Variants in RBFOX2 observed in about 807,000 individuals in gnomAD.
The protein encoded by RBFOX2 is RNA binding protein fox-1 homolog 2.
A neutral mutation model predicts 49.1 loss-of-function variants in RBFOX2; 10 were observed. The ratio of observed to expected loss-of-function variants is 0.20; its 90% CI spans 0.13 to 0.35. RBFOX2 has a LOEUF of 0.35. RBFOX2 is among the 10% of genes least tolerant of loss of function. The pLI, the probability that RBFOX2 is intolerant of heterozygous loss-of-function variation, is 1.00. For missense variants in RBFOX2, 323 were observed against 486.9 expected (o/e 0.66, Z 3.17); for synonymous variants, 183 against 187.4 (o/e 0.98, Z 0.19).
At chr22:35,874,480 T>G (rs565279346) in intron 1 of RBFOX2, among the ~76,000 whole-genome samples, 1 of 150,574 alleles carries the variant, frequency 6.6e-6, no homozygotes, top group Admixed American at 6.6e-5. Flanking sequence ...AGGAACAGAA[T>G]GAAAGAAAAA....
intron 6 of RBFOX2, among the ~76,000 whole-genome samples, chr22:35,761,716 G>C (rs1322429671): frequency 6.6e-6 from 1 of 152,102 alleles, no homozygotes; most frequent in Non-Finnish European, 1.5e-5. Flanking sequence ...GGAAGATGGA[G>C]AGGGAATGAG....
chr22:36,026,503 C>CT (rs1159531799), intron 1 of RBFOX2, among the ~76,000 whole-genome samples: 1 of 151,466 alleles, frequency 6.6e-6, no homozygotes, highest in African/African-American at 2.4e-5. Context: ...GGGGGTCTCA[C>CT]TATTAACTAG....
At chr22:35,820,282 T>C (rs1292259736) in intron 1 of RBFOX2, among the ~76,000 whole-genome samples, 1 of 152,210 alleles carries the variant, frequency 6.6e-6, no homozygotes, top group Admixed American at 6.5e-5. Flanking sequence ...GCGACCCTGA[T>C]AATTCAGCTG....
At chr22:35,862,658 C>T (rs1031796824) in intron 1 of RBFOX2, among the ~76,000 whole-genome samples, 1 of 152,296 alleles carries the variant, frequency 6.6e-6, no homozygotes, top group Non-Finnish European at 1.5e-5. Flanking sequence ...GGTTGTAGTA[C>T]ACAAGCAACA....
intron 1 of RBFOX2, among the ~76,000 whole-genome samples, chr22:35,828,174 A>AG (rs1956129855): frequency 6.6e-6 from 1 of 152,038 alleles, no homozygotes; most frequent in African/African-American, 2.4e-5. Flanking sequence ...AAAAAAAAAA[A>AG]AAAAGAAACA....
intron 1 of RBFOX2, among the ~76,000 whole-genome samples, chr22:35,857,175 G>A (rs1168534272): frequency 6.6e-6 from 1 of 152,180 alleles, no homozygotes; most frequent in Non-Finnish European, 1.5e-5. Flanking sequence ...ATCCTGCTAC[G>A]TATTTCAGAT....
intron 1 of RBFOX2, among the ~76,000 whole-genome samples, chr22:36,005,416 C>T (rs543780203): frequency 6.6e-6 from 1 of 152,328 alleles, no homozygotes; most frequent in South Asian, 2.1e-4. Context: ...CAGTGAGATG[C>T]AAAGAAGTGT....
At chr22:35,819,214 T>C (rs1325225470) in intron 1 of RBFOX2, among the ~76,000 whole-genome samples, 4 of 152,136 alleles carry the variant, frequency 2.6e-5, no homozygotes, top group Non-Finnish European at 4.4e-5. Flanking sequence ...GCTTCTGCAG[T>C]ATAAGTCTAT....
chr22:35,850,637 G>A (rs2041833290), intron 1 of RBFOX2, among the ~76,000 whole-genome samples: 1 of 152,152 alleles, frequency 6.6e-6, no homozygotes, highest in South Asian at 2.1e-4. Flanking sequence ...TACCCACCCT[G>A]CCATTATATA....
chr22:35,785,864 G>T (rs1001385655), intron 2 of RBFOX2, among the ~76,000 whole-genome samples: 1 of 152,186 alleles, frequency 6.6e-6, no homozygotes, highest in African/African-American at 2.4e-5. Context: ...AACTCACTAA[G>T]TTACTAAAAC....
At chr22:35,941,771 G>C (rs1249732389), upstream of RBFOX2, among the ~76,000 whole-genome samples, 1 of 152,118 alleles carries the variant, frequency 6.6e-6, no homozygotes, top group South Asian at 2.1e-4. Context: ...AGCCAGTATT[G>C]TCAAAAACTT....
chr22:35,914,742 G>A (rs559686919), intron 1 of RBFOX2, among the ~76,000 whole-genome samples: 1 of 152,306 alleles, frequency 6.6e-6, no homozygotes, highest in East Asian at 1.9e-4. Flanking sequence ...GGGTGGGGAA[G>A]AGGAAAAGGG....
chr22:35,786,316 T>A (rs1407159788), intron 2 of RBFOX2, among the ~76,000 whole-genome samples: 1 of 152,252 alleles, frequency 6.6e-6, no homozygotes, highest in Non-Finnish European at 1.5e-5. Flanking sequence ...TTTTTAAGTA[T>A]GAAATCTTTA....
intron 4 of RBFOX2, among the ~76,000 whole-genome samples, chr22:35,773,381 C>T (rs955210823): frequency 2.0e-5 from 3 of 151,900 alleles, no homozygotes; most frequent in Non-Finnish European, 4.4e-5. Context: ...CAGAAATCTA[C>T]CTGAGAGAAG....
chr22:35,902,340 T>C (rs1296633136), intron 1 of RBFOX2, among the ~76,000 whole-genome samples: 1 of 152,112 alleles, frequency 6.6e-6, no homozygotes, highest in Non-Finnish European at 1.5e-5. Context: ...CCCTCAATCA[T>C]TTGTCCTCTC....
At chr22:35,760,942 G>A (rs1422985648) in intron 8 of RBFOX2, among the ~76,000 whole-genome samples, 16 of 152,106 alleles carry the variant, frequency 1.1e-4, no homozygotes, top group East Asian at 5.8e-4. Flanking sequence ...TTTCTTTATC[G>A]TCAAGTACAG....
rs563947946 is a variant in RBFOX2 at position 35,863,534 on chromosome 22, T to TACAG, written c.-33-53534_-33-53531dup. ...GATTGTGTTCACTATGCTCATGCCT[T>TACAG]ACAGATGAGCTGTCAGGAATCTGAC... On this transcript the variant is annotated intron_variant, in intron 1 of 13. Coordinates refer to the RBFOX2 transcript ENST00000359369. Among the ~76,000 whole-genome samples, 18 of 152,224 alleles carry TACAG rather than the reference T, an allele frequency of 1.2e-4. 1 individual carries two copies. The South Asian group carries it at 3.5e-3, about 30-fold the overall frequency.
chr22:35,901,371 G>A (rs544868113), intron 1 of RBFOX2, among the ~76,000 whole-genome samples: 2 of 152,324 alleles, frequency 1.3e-5, no homozygotes, highest in South Asian at 4.1e-4. Flanking sequence ...AATGAAGCCA[G>A]GTGTGGTGAT....
Position 35,878,109 on chromosome 22 carries a change from G to A in RBFOX2, c.-34+60738C>T, listed in dbSNP as rs1417112382. ...TTTGTTTTGTTTTTAAAGATACAGG[G>A]TCTCAAGCCAGGCGCAGTGGCTCAC... On this transcript the variant is annotated intron_variant, in intron 1 of 13. Coordinates refer to the RBFOX2 transcript ENST00000359369. Among the ~76,000 whole-genome samples, 3 of 151,140 alleles carry A rather than the reference G, an allele frequency of 2.0e-5. No homozygotes were observed. In the East Asian group the frequency reaches 5.8e-4, roughly 29 times the overall value.
Sources: allele counts gnomAD v4.1 joint callset (sites outside exome capture counted in the v4.1 genomes callset), GRCh38; gene constraint gnomAD v4.1.1; transcripts MANE v1.5; gene names NCBI Gene and HGNC (gene_info 2026-07-23, HGNC 2026-07-21).